The following PRKCE variants were observed in gnomAD, a reference collection of about 807,000 sequenced individuals.
PRKCE encodes the protein protein kinase C epsilon type.
A neutral mutation model predicts 85.4 loss-of-function variants in PRKCE; 16 were observed. That is an observed-to-expected ratio of 0.19 (90% CI 0.13 to 0.28). PRKCE has a LOEUF of 0.28. Ranked by LOEUF, PRKCE falls within the 10% of genes least tolerant of loss-of-function variation. The pLI is 1.00. For missense variants in PRKCE, 573 were observed against 975.2 expected (o/e 0.59, Z 5.49); for synonymous variants, 388 against 371.5 (o/e 1.04, Z -0.51).
chr2:46,010,493 A>G lies in PRKCE; in HGVS notation c.1413A>G (p.Gln471=), dbSNP rs374662146. 1.7e-4 allele frequency: 278 copies of G among 1,599,400 alleles called. 1 individual carries two copies. In the African/African-American group the frequency reaches 3.4e-3, roughly 20 times the overall value. The change falls in exon 10 of 15, where the codon CAA becomes CAG. Residue 471 remains glutamine (Q), a synonymous_variant. Coordinates refer to ENST00000306156, the MANE Select transcript of PRKCE (RefSeq NM_005400.3). ...CACGGAAACACCCGTACCTTACCCA[A>G]CTCTACTGCTGCTTCCAGACCAAGG... ...ALARKHPYLT[Q]LYCCFQTKDR...
intron 11 of PRKCE, among the ~76,000 whole-genome samples, chr2:46,136,049 G>T (rs1422979942): frequency 6.6e-6 from 1 of 152,006 alleles, no homozygotes; most frequent in Non-Finnish European, 1.5e-5. Flanking sequence ...TCCACTATTT[G>T]TCCCAAAACA....
intron 2 of PRKCE, among the ~76,000 whole-genome samples, chr2:45,949,735 G>C (rs1700494483): frequency 6.6e-6 from 1 of 151,882 alleles, no homozygotes; most frequent in South Asian, 2.1e-4. Context: ...CATGGACCTA[G>C]GATCATATTT....
chr2:45,998,905 C>G (rs142012746), intron 6 of PRKCE, among the ~76,000 whole-genome samples: 27 of 152,272 alleles, frequency 1.8e-4, no homozygotes, highest in African/African-American at 6.5e-4. Context: ...AAATCCAAAT[C>G]TACTTTCAAA....
chr2:45,951,014 C>G (rs1300445163), intron 2 of PRKCE, among the ~76,000 whole-genome samples: 1 of 152,196 alleles, frequency 6.6e-6, no homozygotes, highest in Non-Finnish European at 1.5e-5. Flanking sequence ...CTTGTACATC[C>G]CCAGTCATGA....
At position 45,958,291 on chromosome 2, in the gene PRKCE, C is replaced by T. The variant is rs545702497; in HGVS notation, c.413-18138C>T. Among the ~76,000 whole-genome samples the T allele has an allele frequency of 1.1e-4, 16 of 150,788 alleles. No individual in the cohort carries two copies. The South Asian group carries it at 1.5e-3, about 14-fold the overall frequency. On this transcript the variant is annotated intron_variant, in intron 2 of 14. Transcript: ENST00000306156. ...TTGGGAGGCCAAGGTGGGCAGATCA[C>T]GAGGTCAGGGGTTCGAGACCAGCCT... is the stretch of plus-strand genomic sequence containing the variant.
chr2:45,825,540 C>T (rs1003169421), intron 1 of PRKCE, among the ~76,000 whole-genome samples: 1 of 152,140 alleles, frequency 6.6e-6, no homozygotes, highest in Admixed American at 6.5e-5. Context: ...AAAGTGCAGA[C>T]AGTTAGTTCA....
chr2:45,810,072 C>T (rs1248425323), intron 1 of PRKCE, among the ~76,000 whole-genome samples: 1 of 151,892 alleles, frequency 6.6e-6, no homozygotes, highest in Non-Finnish European at 1.5e-5. Flanking sequence ...TGAAGTCTCG[C>T]TCTTGTCCCC....
chr2:46,162,063 G>A (rs929242709), intron 14 of PRKCE, among the ~76,000 whole-genome samples: 13 of 152,188 alleles, frequency 8.5e-5, no homozygotes, highest in Non-Finnish European at 1.5e-4. Flanking sequence ...TAACACGCAG[G>A]CATTGCCTTG....
intron 10 of PRKCE, among the ~76,000 whole-genome samples, chr2:46,061,121 T>TA (rs1192339181): frequency 2.1e-5 from 3 of 146,318 alleles, no homozygotes; most frequent in African/African-American, 7.6e-5. Flanking sequence ...TTTTTTTTTT[T>TA]TTTTTGAGAC....
At chr2:45,668,198 G>A (rs570920998) in intron 1 of PRKCE, among the ~76,000 whole-genome samples, 21 of 152,166 alleles carry the variant, frequency 1.4e-4, no homozygotes, top group East Asian at 3.9e-4. Flanking sequence ...AAAATTAGCC[G>A]GGGATGGTGG....
intron 14 of PRKCE, among the ~76,000 whole-genome samples, chr2:46,180,594 T>A (rs1679878677): frequency 6.6e-6 from 1 of 152,224 alleles, no homozygotes; most frequent in South Asian, 2.1e-4. Flanking sequence ...CCATGCACTG[T>A]GTTGGGAAAC....
intron 1 of PRKCE, among the ~76,000 whole-genome samples, chr2:45,667,288 G>A (rs1174516606): frequency 7.9e-5 from 12 of 152,068 alleles, no homozygotes; most frequent in Non-Finnish European, 1.5e-4. Context: ...TCCAGCCTGG[G>A]TAACAGGTTG....
intron 1 of PRKCE, among the ~76,000 whole-genome samples, chr2:45,738,964 T>C (rs1016372907): frequency 1.3e-5 from 2 of 152,200 alleles, no homozygotes; most frequent in African/African-American, 2.4e-5. Context: ...GCAGTGTTGG[T>C]TCATGTACCA....
At chr2:45,973,111 G>T (rs1206161345) in intron 2 of PRKCE, among the ~76,000 whole-genome samples, 2 of 152,216 alleles carry the variant, frequency 1.3e-5, no homozygotes, top group East Asian at 3.8e-4. Flanking sequence ...ACATATGTGG[G>T]ATCTACATTT....
intron 11 of PRKCE, among the ~76,000 whole-genome samples, chr2:46,097,222 T>C (rs896844990): frequency 1.3e-5 from 2 of 152,100 alleles, no homozygotes; most frequent in African/African-American, 2.4e-5. Flanking sequence ...GCTTGCATTA[T>C]AAAGCTGCAA....
At chr2:46,108,842 A>G (rs1464436088) in intron 11 of PRKCE, among the ~76,000 whole-genome samples, 1 of 152,004 alleles carries the variant, frequency 6.6e-6, no homozygotes, top group Non-Finnish European at 1.5e-5. Flanking sequence ...TTTGATATTT[A>G]GATCTATGAT....
intron 10 of PRKCE, among the ~76,000 whole-genome samples, chr2:46,028,061 C>T (rs1280825166): frequency 6.6e-6 from 1 of 152,224 alleles, no homozygotes; most frequent in East Asian, 1.9e-4. Flanking sequence ...CCTGCCTCAG[C>T]CTCCCGAGTA....
intron 10 of PRKCE, among the ~76,000 whole-genome samples, chr2:46,040,212 C>A (rs898598831): frequency 1.3e-5 from 2 of 152,166 alleles, no homozygotes; most frequent in African/African-American, 4.8e-5. Flanking sequence ...TTGAACTGAA[C>A]TAGGCCTCAA....
intron 1 of PRKCE, among the ~76,000 whole-genome samples, chr2:45,729,421 A>G (rs1174636383): frequency 6.6e-6 from 1 of 152,144 alleles, no homozygotes; most frequent in Non-Finnish European, 1.5e-5. Flanking sequence ...TGAGACAGCC[A>G]GTGTAGATGT....
Sources: allele counts gnomAD v4.1 joint callset (sites outside exome capture counted in the v4.1 genomes callset), GRCh38; gene constraint gnomAD v4.1.1; transcripts MANE v1.5; gene names NCBI Gene and HGNC (gene_info 2026-07-23, HGNC 2026-07-21).